The following ELF4 variants were observed in gnomAD, a reference collection of about 807,000 sequenced individuals.
The protein encoded by ELF4 is E74 like ETS transcription factor 4, also known as ETS-related transcription factor Elf-4.
In ELF4, 10 loss-of-function variants were observed where a neutral mutation model predicts 31.7. The ratio of observed to expected loss-of-function variants is 0.32; its 90% CI spans 0.19 to 0.54. ELF4 has a LOEUF of 0.54. ELF4 is among the 20% of genes least tolerant of loss of function. The pLI, the probability that ELF4 is intolerant of heterozygous loss-of-function variation, is 0.95. For synonymous variants in ELF4, 208 were observed against 226.7 expected (o/e 0.92, Z 0.74); for missense variants, 418 against 522.0 (o/e 0.80, Z 1.94).
At chrX:130,079,328 C>T (rs1462010948) in intron 2 of ELF4, among the ~76,000 whole-genome samples, 2 of 110,786 alleles carry the variant, frequency 1.8e-5, no homozygotes, top group Admixed American at 9.6e-5. Flanking sequence ...CTTGGTGATG[C>T]GTGCCTATAA....
At chrX:130,098,091 C>T (rs749881285) in intron 1 of ELF4, among the ~76,000 whole-genome samples, 2 of 112,181 alleles carry the variant, frequency 1.8e-5, no homozygotes, top group South Asian at 3.7e-4. Context: ...TACAGGCTCC[C>T]GCAGCCTGGA....
At chrX:130,093,960 G>A (rs12852850) in intron 1 of ELF4, among the ~76,000 whole-genome samples, 1,920 of 112,369 alleles carry the variant, frequency 0.017, 18 homozygotes, top group Middle Eastern at 0.051. Flanking sequence ...GGCCGGGCGT[G>A]GTGGCTCACA....
intron 2 of ELF4, among the ~76,000 whole-genome samples, chrX:130,075,435 CCTGT>C (rs1932825882): frequency 9.0e-6 from 1 of 110,654 alleles, no homozygotes. Context: ...CGCCACCACA[CCTGT>C]CTAATTTTTT....
Position 130,105,854 on chromosome X carries a change from C to G in ELF4, c.-210+4471G>C, listed in dbSNP as rs967325590. On this transcript the variant is annotated intron_variant, in intron 1 of 8. Transcript: ENST00000308167. ...GCCATCTCTCCCACTCCCCAGGGGCCTGTGTGTGTGTGTGTGTGTGTGTGT... is the reference window on the plus strand; with the variant it reads ...GCCATCTCTCCCACTCCCCAGGGGCGTGTGTGTGTGTGTGTGTGTGTGTGT... Among the ~76,000 whole-genome samples, 291 of 86,495 alleles carry G rather than the reference C, an allele frequency of 3.4e-3. 2 individuals are homozygous for G. Among genetic ancestry groups the G allele is most frequent in the East Asian group, 4.3e-3 (11 of 2,555 alleles). 75.1% of individuals were successfully genotyped at this position (86,495 alleles called of 115,157 possible). A position where few individuals can be genotyped will look rare whatever the true frequency, so the allele number is the denominator to read the frequency against.
intron 2 of ELF4, among the ~76,000 whole-genome samples, chrX:130,076,445 T>C (rs1932835642): frequency 8.9e-6 from 1 of 112,214 alleles, no homozygotes; most frequent in Admixed American, 9.4e-5. Context: ...TTCTTTTCTT[T>C]TTCTGAGACA....
At position 130,066,353 on chromosome X, in the gene ELF4, A is replaced by G. The variant is rs1035328446; in HGVS notation, c.*368T>C. The G allele has an allele frequency of 6.8e-5, 19 of 277,773 alleles. No individual in the cohort carries two copies. Among genetic ancestry groups the G allele is most frequent in the Non-Finnish European group, 1.2e-4 (19 of 157,461 alleles). The allele number at this position is 277,773 out of a possible 1,213,427, so 22.9% of individuals were successfully genotyped here. On this transcript the variant is annotated 3_prime_UTR_variant, in exon 9 of 9. Coordinates refer to ENST00000308167, the MANE Select transcript of ELF4 (RefSeq NM_001421.4). ...GGGATATTCACATATAGGGTAGTAA[A>G]TTCCCTGTGTAGGGAATGCAGCCAG...
At chrX:130,095,900 G>A (rs1398883037) in intron 1 of ELF4, among the ~76,000 whole-genome samples, 1 of 111,596 alleles carries the variant, frequency 9.0e-6, no homozygotes, top group East Asian at 2.8e-4. Flanking sequence ...AATATTTATG[G>A]AAAGTCAGCC....
chrX:130,109,792 C>T (rs979553059), intron 1 of ELF4, among the ~76,000 whole-genome samples: 2 of 112,871 alleles, frequency 1.8e-5, no homozygotes, highest in African/African-American at 6.4e-5. Context: ...TCGGGGAGAG[C>T]GGGAACGCGG....
At position 130,067,036 on chromosome X, in the gene ELF4, C is replaced by T. The variant is rs1161521944; in HGVS notation, c.1677G>A (p.Leu559=). 1.6e-6 allele frequency: 2 copies of T among 1,212,316 alleles called. No homozygotes were observed. Among genetic ancestry groups the T allele is most frequent in the Non-Finnish European group, 1.1e-6 (1 of 895,586 alleles). ...CCCTCAGGGTCTCTTCAGGAACCAG[C>T]AGCCCCTCCATGGGGGCCCCCGTCA... ...GMVTGAPMEG[L]LVPEETLREL... is the part of the protein sequence containing the mutation. Residue 559 remains leucine (L), a synonymous_variant, in exon 9 of 9, where the codon CTG becomes CTA. Transcript: ENST00000308167.
At chrX:130,071,454 T>G (rs1932787269) in intron 5 of ELF4, 35 bp from the exon 6 acceptor site, 1 of 1,191,329 alleles carries the variant, frequency 8.4e-7, no homozygotes, top group Middle Eastern at 2.6e-4. Context: ...GAGGAGCAGC[T>G]CCCAAGAGAG....
intron 1 of ELF4, among the ~76,000 whole-genome samples, chrX:130,101,697 G>T (rs753138985): frequency 1.5e-4 from 17 of 110,565 alleles, no homozygotes; most frequent in South Asian, 7.7e-4. Flanking sequence ...AGGTCGGGAG[G>T]CTGAGGCAGG....
chrX:130,106,159 C>T (rs949516066), intron 1 of ELF4, among the ~76,000 whole-genome samples: 4 of 108,851 alleles, frequency 3.7e-5, no homozygotes, highest in Admixed American at 9.9e-5. Flanking sequence ...CCCTCTCCCC[C>T]CTTCAAGGTC....
intron 1 of ELF4, among the ~76,000 whole-genome samples, chrX:130,101,739 C>T (rs995124201): frequency 3.6e-5 from 4 of 110,339 alleles, no homozygotes; most frequent in African/African-American, 3.3e-5. Flanking sequence ...GCAGAGGTTG[C>T]AGTGAGCCGA....
At chrX:130,098,219 T>A (rs1293055252) in intron 1 of ELF4, among the ~76,000 whole-genome samples, 2 of 111,718 alleles carry the variant, frequency 1.8e-5, no homozygotes, top group Non-Finnish European at 3.8e-5. Flanking sequence ...TAGTGCTTTA[T>A]GCAGCTTGCT....
At chrX:130,103,794 C>T (rs1257811207) in intron 1 of ELF4, among the ~76,000 whole-genome samples, 4 of 112,097 alleles carry the variant, frequency 3.6e-5, no homozygotes, top group African/African-American at 1.3e-4. Context: ...AGGGGTGGTC[C>T]AGTTTATCCT....
chrX:130,108,192 G>C (rs1933407841), intron 1 of ELF4, among the ~76,000 whole-genome samples: 1 of 107,884 alleles, frequency 9.3e-6, no homozygotes, highest in Non-Finnish European at 1.9e-5. Context: ...TGGGCAACAA[G>C]AGTGAAACTC....
chrX:130,101,984 T>A (rs1187921089), intron 1 of ELF4, among the ~76,000 whole-genome samples: 2 of 109,635 alleles, frequency 1.8e-5, no homozygotes, highest in East Asian at 5.7e-4. Flanking sequence ...TAAAAATATA[T>A]TTAAAAAAAA....
intron 1 of ELF4, among the ~76,000 whole-genome samples, chrX:130,108,862 A>C (rs1267992506): frequency 2.1e-5 from 2 of 95,357 alleles, no homozygotes; most frequent in Admixed American, 1.2e-4. Flanking sequence ...ATCCAGCCCC[A>C]AAAACAACCA....
intron 1 of ELF4, among the ~76,000 whole-genome samples, chrX:130,093,748 G>T (rs1203774245): frequency 8.9e-6 from 1 of 111,989 alleles, no homozygotes; most frequent in African/African-American, 3.3e-5. Flanking sequence ...AATCACCTTG[G>T]CTTCCCCGTA....
Sources: gnomAD v4.1 joint callset for allele counts (sites outside exome capture counted in the v4.1 genomes callset) on GRCh38, gnomAD v4.1.1 for gene constraint, MANE v1.5 for transcripts, NCBI Gene and HGNC (gene_info 2026-07-23, HGNC 2026-07-21) for gene names.